RAVER1: variants seen among roughly 807,000 people sequenced by gnomAD.
RAVER1 encodes the protein ribonucleoprotein PTB-binding 1.
A neutral mutation model predicts 68.4 loss-of-function variants in RAVER1; 36 were observed. The ratio of observed to expected loss-of-function variants is 0.53; its 90% CI spans 0.40 to 0.70. The LOEUF (loss-of-function observed/expected upper bound fraction) is 0.70. RAVER1 is among the 30% of genes least tolerant of loss of function. The probability of loss-of-function intolerance (pLI) is 0.00; values close to 1 mark genes in which losing one functional copy is unlikely to be tolerated. For missense variants in RAVER1, 933 were observed against 1,019.8 expected (o/e 0.91, Z 1.16); for synonymous variants, 469 against 472.7 (o/e 0.99, Z 0.10).
rs189685792 is a variant in RAVER1, at chr19:10,328,174, G to A, written c.756+468C>T. Among the ~76,000 whole-genome samples the A allele has an allele frequency of 1.1e-3, 169 of 152,294 alleles. 4 individuals carry two copies. Among genetic ancestry groups the A allele is most frequent in the Middle Eastern group, 3.4e-3 (1 of 294 alleles). ...TTTGACGAGGGTACCAGCGAATGAG[G>A]AGGTGAGTGGTGAGCAAGCCTCGAG... is the stretch of plus-strand genomic sequence containing the variant. On this transcript the variant is annotated intron_variant, in intron 3 of 12. Transcript: ENST00000617231. This position sits in a 1 kb window ranked among gnomAD's most constrained non-coding sequence, Gnocchi z 4.4.
At position 10,330,500 on chromosome 19, in the gene RAVER1, A is replaced by G; in HGVS notation, c.246T>C (p.Tyr82=). 2.6e-6 allele frequency: 4 copies of G among 1,534,726 alleles called. No individual in the cohort carries two copies. Among genetic ancestry groups the G allele is most frequent in the South Asian group, 1.2e-5 (1 of 84,778 alleles). Residue 82 remains tyrosine (Y), a synonymous_variant, in exon 2 of 13, where the codon TAT becomes TAC. Coordinates refer to ENST00000617231, the MANE Select transcript of RAVER1 (RefSeq NM_133452.3). ...TGTCCACAAAACAGTATTTGAGCTCATAGTCACTGAGCAGGTCATGTACTT... is the reference window on the plus strand; with the variant it reads ...TGTCCACAAAACAGTATTTGAGCTCGTAGTCACTGAGCAGGTCATGTACTT... The part of the protein sequence containing the change: ...NQEVHDLLSD[Y]ELKYCFVDKY...
chr19:10,319,818 T>C (rs1305873194), intron 9 of RAVER1, among the ~76,000 whole-genome samples: 3 of 149,282 alleles, frequency 2.0e-5, no homozygotes, highest in Non-Finnish European at 4.4e-5. Context: ...TTATTATATA[T>C]TTTATAATAT....
intron 2 of RAVER1, among the ~76,000 whole-genome samples, chr19:10,330,058 G>A (rs1363798231): frequency 1.3e-5 from 2 of 151,758 alleles, no homozygotes; most frequent in Non-Finnish European, 2.9e-5. Context: ...AGGAGGCGGA[G>A]GTTGCAGCGA....
rs929402676 is a variant in RAVER1 at position 10,329,320 on chromosome 19, C to G, written c.287-209G>C. Reference sequence around the variant, plus strand: ...ACGAAGCCCACTCCCTCTCCCAGCCCTGCGTCCACCTGCACCCACAGCAGC... The same window carrying G: ...ACGAAGCCCACTCCCTCTCCCAGCCGTGCGTCCACCTGCACCCACAGCAGC... On this transcript the variant is annotated intron_variant, in intron 2 of 12. Transcript: ENST00000617231. The surrounding 1 kb of genome is among the most constrained non-coding windows in gnomAD (Gnocchi z 4.6). 4.6e-5 allele frequency among the ~76,000 whole-genome samples: 7 copies of G among 152,224 alleles called. No individual in the cohort carries two copies. The highest frequency in any genetic ancestry group is 7.2e-5 in the African/African-American group (3 of 41,450).
Position 10,329,160 on chromosome 19 carries a change from G to T in RAVER1, c.287-49C>A, listed in dbSNP as rs771110202. The T allele has an allele frequency of 8.3e-7, 1 of 1,200,042 alleles. No homozygotes were observed. The highest frequency in any genetic ancestry group is 1.1e-6 in the Non-Finnish European group (1 of 873,114). 74.3% of individuals were successfully genotyped at this position (1,200,042 alleles called of 1,614,324 possible). On this transcript the variant is annotated intron_variant, in intron 2 of 12. Transcript: ENST00000617231. The surrounding 1 kb of genome is among the most constrained non-coding windows in gnomAD (Gnocchi z 4.6). ...GAGGTCAGCCGGGCCCTGAGGGCCT[G>T]CCCCTCCACCCCGCCACCCTGCAAA...
chr19:10,317,670 T>G lies in RAVER1; in HGVS notation c.2073+20A>C. Reference sequence around the variant, plus strand: ...GGCCGGGGCTTCCCAGCCCTGCATGTCCCCACCCCCTGCCCGTACCTTCAG... The same window carrying G: ...GGCCGGGGCTTCCCAGCCCTGCATGGCCCCACCCCCTGCCCGTACCTTCAG... On this transcript the variant is annotated intron_variant, in intron 12 of 12. Transcript: ENST00000617231. This position sits in a 1 kb window ranked among gnomAD's most constrained non-coding sequence, Gnocchi z 4.3. 1 of 1,552,956 alleles carries G rather than the reference T, an allele frequency of 6.4e-7. No homozygotes were observed. The highest frequency in any genetic ancestry group is 8.7e-7 in the Non-Finnish European group (1 of 1,144,226).
intron 3 of RAVER1, among the ~76,000 whole-genome samples, chr19:10,326,148 G>A (rs1027491235): frequency 3.3e-5 from 5 of 152,234 alleles, no homozygotes; most frequent in Admixed American, 6.5e-5. Context: ...CCAGCTACTC[G>A]GGAGGCTGAA....
In RAVER1 at chr19:10,320,925, C is replaced by A; in HGVS notation, c.1500G>T (p.Lys500Asn). Residue 500 changes from lysine (K) to asparagine (N), a missense_variant, in exon 9 of 13, where the codon AAG (lysine) becomes AAT (asparagine). Physicochemically the swap from Lys to Asn is moderately conservative, Grantham distance 94. Transcript: ENST00000617231. ...AGGGATTCAGGGGAATCCGGTAGTC[C>A]TTGGGGGGCTCCCCCAGCAGTGAGA... is the stretch of plus-strand genomic sequence containing the variant. ...PGVSLLGEPP[K>N]DYRIPLNPYL... 1 of 1,496,642 alleles carries A rather than the reference C, an allele frequency of 6.7e-7. No individual in the cohort carries two copies. Among genetic ancestry groups the A allele is most frequent in the Non-Finnish European group, 8.9e-7 (1 of 1,128,924 alleles). The allele number at this position is 1,496,642 out of a possible 1,614,324, so 92.7% of individuals were successfully genotyped here. A position where few individuals can be genotyped will look rare whatever the true frequency, so the allele number is the denominator to read the frequency against.
At position 10,328,727 on chromosome 19, in the gene RAVER1, C is replaced by G. The variant is rs1356486580; in HGVS notation, c.671G>C (p.Cys224Ser). ...GAAGCCAGGTGGCAGGCGGTCCACACAGAGGCAGCGGGAGTGGAGAAGGGC... is the reference window on the plus strand; with the variant it reads ...GAAGCCAGGTGGCAGGCGGTCCACAGAGAGGCAGCGGGAGTGGAGAAGGGC... Reference protein sequence around the residue: ...TPALLHSRCLCVDRLPPGFND... With the variant: ...TPALLHSRCLSVDRLPPGFND... The change falls in exon 3 of 13, where the codon TGT becomes TCT. Residue 224 changes from cysteine to serine, a missense_variant. Physicochemically the swap from Cys to Ser is moderately radical, Grantham distance 112 (BLOSUM62 -1). Transcript: ENST00000617231. The surrounding 1 kb of genome is among the most constrained non-coding windows in gnomAD (Gnocchi z 4.4). The G allele has an allele frequency of 6.2e-7, 1 of 1,611,700 alleles. No homozygotes were observed. The highest frequency in any genetic ancestry group is 1.3e-5 in the African/African-American group (1 of 74,920).
rs748224328 is a variant in RAVER1 at position 10,321,034 on chromosome 19, G to A, written c.1473+14C>T. The stretch of plus-strand genomic sequence containing the variant: ...GGAGGCTGGTGTGGTGCCGCGCGCA[G>A]GGCAGGGCCTTACCCCAGGGGGCGT... On this transcript the variant is annotated intron_variant, in intron 8 of 12. Coordinates refer to ENST00000617231, the MANE Select transcript of RAVER1 (RefSeq NM_133452.3). 7.0e-7 allele frequency: 1 copy of A among 1,435,764 alleles called. No individual in the cohort carries two copies. The highest frequency in any genetic ancestry group is 9.1e-7 in the Non-Finnish European group (1 of 1,097,742). 88.9% of individuals were successfully genotyped at this position (1,435,764 alleles called of 1,614,324 possible).
Position 10,323,629 on chromosome 19 carries a change from G to A in RAVER1, c.757-63C>T. 6.6e-7 allele frequency: 1 copy of A among 1,509,500 alleles called. No individual in the cohort carries two copies. The highest frequency in any genetic ancestry group is 8.9e-7 in the Non-Finnish European group (1 of 1,127,990). The allele number at this position is 1,509,500 out of a possible 1,614,324, so 93.5% of individuals were successfully genotyped here. ...AGCAGTGACTGCACCACCCCGGGAA[G>A]TGACAACCGTAACCAGACTCAGCTG... On this transcript the variant is annotated intron_variant, in intron 3 of 12. Coordinates refer to ENST00000617231, the MANE Select transcript of RAVER1 (RefSeq NM_133452.3). The surrounding 1 kb of genome is among the most constrained non-coding windows in gnomAD (Gnocchi z 6.2).
intron 9 of RAVER1, among the ~76,000 whole-genome samples, chr19:10,319,922 G>A (rs2040423307): frequency 6.6e-6 from 1 of 151,974 alleles, no homozygotes; most frequent in Non-Finnish European, 1.5e-5. Flanking sequence ...TTATAGGCAT[G>A]AGCCACCGTG....
Position 10,328,799 on chromosome 19 carries a change from G to A in RAVER1, c.599C>T (p.Pro200Leu), listed in dbSNP as rs750285282. 2 of 1,613,282 alleles carry A rather than the reference G, an allele frequency of 1.2e-6. No homozygotes were observed. Among genetic ancestry groups the A allele is most frequent in the Non-Finnish European group, 1.7e-6 (2 of 1,179,840 alleles). Residue 200 changes from proline (P) to leucine (L), a missense_variant, in exon 3 of 13, where the codon CCA (proline) becomes CTA (leucine). Physicochemically the swap from Pro to Leu is moderately conservative, Grantham distance 98. Coordinates refer to ENST00000617231, the MANE Select transcript of RAVER1 (RefSeq NM_133452.3). This position sits in a 1 kb window ranked among gnomAD's most constrained non-coding sequence, Gnocchi z 4.4. ...CGTCCAGTGCACGTAGAGGGTGCGT[G>A]GTCCCAGCGGCTTGCCCAGCAGGTC... ...KSDLLGKPLG[P>L]RTLYVHWTDA...
Position 10,333,520 on chromosome 19 carries a change from G to T in RAVER1, c.-13C>A, listed in dbSNP as rs754446056. 41 of 1,592,286 alleles carry T rather than the reference G, an allele frequency of 2.6e-5. No homozygotes were observed. The highest frequency in any genetic ancestry group is 3.5e-5 in the Non-Finnish European group (41 of 1,170,778). On this transcript the variant is annotated 5_prime_UTR_variant, in exon 1 of 13. Coordinates refer to ENST00000617231, the MANE Select transcript of RAVER1 (RefSeq NM_133452.3). The surrounding 1 kb of genome is among the most constrained non-coding windows in gnomAD (Gnocchi z 4.2). ...CGTCCGCCGCCATCTTGGGAAACCC[G>T]GCGCCTTCTGGGACCAGCGAGCCGG...
In RAVER1 at chr19:10,333,479, C is replaced by A. The variant is rs777859894; in HGVS notation, c.29G>T (p.Arg10Leu). ...CCCAGACTTAGGGCTCAGCGGGGGCCGGTGAGTAACGGACACGTCCGCCGC... is the reference window on the plus strand; with the variant it reads ...CCCAGACTTAGGGCTCAGCGGGGGCAGGTGAGTAACGGACACGTCCGCCGC... MAADVSVTH[R>L]PPLSPKSGAE... The change falls in exon 1 of 13, where the codon CGG becomes CTG. Residue 10 changes from arginine (R) to leucine (L), a missense_variant. Around this residue, in one of 3 missense-constraint regions of RAVER1, gnomAD observed 211 missense variants for 230.0 expected, o/e 0.92. Coordinates refer to ENST00000617231, the MANE Select transcript of RAVER1 (RefSeq NM_133452.3). The surrounding 1 kb of genome is among the most constrained non-coding windows in gnomAD (Gnocchi z 4.2). 1.9e-6 allele frequency: 3 copies of A among 1,608,790 alleles called. No individual in the cohort carries two copies. The highest frequency in any genetic ancestry group is 2.7e-5 in the African/African-American group (2 of 74,970).
At position 10,323,432 on chromosome 19, in the gene RAVER1, G is replaced by A. The variant is rs567863416; in HGVS notation, c.891C>T (p.Cys297=). Residue 297 remains cysteine, a synonymous_variant, in exon 4 of 13, where the codon TGC becomes TGT. Coordinates refer to ENST00000617231, the MANE Select transcript of RAVER1 (RefSeq NM_133452.3). The surrounding 1 kb of genome is among the most constrained non-coding windows in gnomAD (Gnocchi z 6.2). The part of the protein sequence containing the change: ...LGGSHLRVSF[C]APGPPGRSML... ...TACTGCGGCCGGGGGGCCCAGGGGCGCAGAAGGAGACTCGCAGGTGGCTGC... is the reference window on the plus strand; with the variant it reads ...TACTGCGGCCGGGGGGCCCAGGGGCACAGAAGGAGACTCGCAGGTGGCTGC... 83 of 1,608,288 alleles carry A rather than the reference G, an allele frequency of 5.2e-5. No individual in the cohort carries two copies. Among genetic ancestry groups the A allele is most frequent in the Admixed American group, 3.5e-4 (21 of 59,540 alleles).
In RAVER1 at chr19:10,323,691, C is replaced by T; in HGVS notation, c.757-125G>A. 1.1e-6 allele frequency: 1 copy of T among 915,950 alleles called. No individual in the cohort carries two copies. The highest frequency in any genetic ancestry group is 1.6e-6 in the Non-Finnish European group (1 of 622,920). The allele number at this position is 915,950 out of a possible 1,614,324, so 56.7% of individuals were successfully genotyped here. ...TGAACTCCACGCCAGGCCTCCACTG[C>T]CCTGTGCCTCATTCCTGCATCAGCT... On this transcript the variant is annotated intron_variant, in intron 3 of 12. Transcript: ENST00000617231. This position sits in a 1 kb window ranked among gnomAD's most constrained non-coding sequence, Gnocchi z 6.2.
At position 10,329,637 on chromosome 19, in the gene RAVER1, C is replaced by T. The variant is rs924090379; in HGVS notation, c.287-526G>A. Among the ~76,000 whole-genome samples, 1 of 152,314 alleles carries T rather than the reference C, an allele frequency of 6.6e-6. No homozygotes were observed. The highest frequency in any genetic ancestry group is 6.5e-5 in the Admixed American group (1 of 15,282). ...CCAGAGGCCCACTCTACACACTGCC[C>T]ACCCCTGCCACCTTTCCAGGCCACC... On this transcript the variant is annotated intron_variant, in intron 2 of 12. Coordinates refer to ENST00000617231, the MANE Select transcript of RAVER1 (RefSeq NM_133452.3). The surrounding 1 kb of genome is among the most constrained non-coding windows in gnomAD (Gnocchi z 4.6).
intron 1 of RAVER1, among the ~76,000 whole-genome samples, chr19:10,331,684 CAAA>C (rs61614587): frequency 1.2e-4 from 9 of 73,284 alleles, no homozygotes; most frequent in Admixed American, 3.8e-4. Context: ...GACTCCGTCT[CAAA>C]AAAAAAAAAA....
Sources: gnomAD v4.1 joint callset for allele counts (sites outside exome capture counted in the v4.1 genomes callset) on GRCh38, gnomAD v4.1.1 for gene constraint, gnomAD v4.1.1 regional missense constraint, Gnocchi (gnomAD v3.1) non-coding constraint, MANE v1.5 for transcripts, NCBI Gene and HGNC (gene_info 2026-07-23, HGNC 2026-07-21) for gene names.